TSC22D1: variants seen among roughly 807,000 people sequenced by gnomAD.
The protein encoded by TSC22D1 is TSC22 domain family protein 1.
Under a neutral mutation model 74.2 loss-of-function variants are expected in TSC22D1, and 9 were observed. That is an observed-to-expected ratio of 0.12 (90% CI 0.07 to 0.21). TSC22D1 has a LOEUF of 0.21. Among genes scored for constraint, TSC22D1 ranks in the 10% least tolerant of loss-of-function variants. The pLI is 1.00. For missense variants in TSC22D1, 1,427 were observed against 1,304.7 expected (o/e 1.09, Z -1.44); for synonymous variants, 586 against 492.5 (o/e 1.19, Z -2.51).
intron 1 of TSC22D1, among the ~76,000 whole-genome samples, chr13:44,504,151 A>C (rs879352939): frequency 1.2e-4 from 19 of 152,010 alleles, no homozygotes; most frequent in Non-Finnish European, 2.4e-4. Context: ...AAAAAAAAAA[A>C]AACTACTTGA....
intron 1 of TSC22D1, among the ~76,000 whole-genome samples, chr13:44,544,800 T>G (rs1331354620): frequency 1.3e-5 from 2 of 152,154 alleles, no homozygotes; most frequent in Admixed American, 1.3e-4. Context: ...CCACTAGATA[T>G]AAATATCAAG....
chr13:44,558,010 A>T (rs994743571), intron 1 of TSC22D1, among the ~76,000 whole-genome samples: 6 of 152,244 alleles, frequency 3.9e-5, no homozygotes, highest in Non-Finnish European at 5.9e-5. Context: ...AGAAAATAAT[A>T]ATAAAGATTG....
intron 1 of TSC22D1, among the ~76,000 whole-genome samples, chr13:44,450,776 G>A (rs1876062580): frequency 6.6e-6 from 1 of 152,192 alleles, no homozygotes; most frequent in South Asian, 2.1e-4. Flanking sequence ...TTGGAACTCA[G>A]GTGGGGTTGG....
chr13:44,562,321 A>T (rs555208214), intron 1 of TSC22D1, among the ~76,000 whole-genome samples: 1 of 152,334 alleles, frequency 6.6e-6, no homozygotes, highest in South Asian at 2.1e-4. Flanking sequence ...GACTACAGGC[A>T]TGAGCCACCA....
At chr13:44,489,837 C>T (rs1878619113) in intron 1 of TSC22D1, among the ~76,000 whole-genome samples, 1 of 151,970 alleles carries the variant, frequency 6.6e-6, no homozygotes, top group South Asian at 2.1e-4. Context: ...CAATGAGGTA[C>T]CACTACACAC....
At chr13:44,493,473 C>CGTGA (rs1878817729) in intron 1 of TSC22D1, among the ~76,000 whole-genome samples, 1 of 152,162 alleles carries the variant, frequency 6.6e-6, no homozygotes, top group South Asian at 2.1e-4. Flanking sequence ...AACAAACCAC[C>CGTGA]GTCACCTGAA....
intron 1 of TSC22D1, among the ~76,000 whole-genome samples, chr13:44,532,909 G>C (rs1294308848): frequency 1.3e-5 from 2 of 152,104 alleles, no homozygotes; most frequent in Non-Finnish European, 2.9e-5. Context: ...TGTCACATTT[G>C]AAAGGGATCA....
chr13:44,441,423 C>T (rs1483077187), intron 1 of TSC22D1, among the ~76,000 whole-genome samples: 2 of 152,166 alleles, frequency 1.3e-5, no homozygotes, highest in Non-Finnish European at 2.9e-5. Context: ...ATAAAATATA[C>T]ATGACCCATA....
At chr13:44,484,316 A>G (rs1362967653) in intron 1 of TSC22D1, among the ~76,000 whole-genome samples, 1 of 152,204 alleles carries the variant, frequency 6.6e-6, no homozygotes, top group African/African-American at 2.4e-5. Context: ...CAAGATTTCC[A>G]TTTCTTACTG....
chr13:44,520,323 TCTA>T (rs1324362295), intron 1 of TSC22D1, among the ~76,000 whole-genome samples: 1 of 152,168 alleles, frequency 6.6e-6, no homozygotes, highest in Non-Finnish European at 1.5e-5. Context: ...GAGAATGTAG[TCTA>T]CTGTTTCAAA....
chr13:44,456,162 A>G (rs1255502604), intron 1 of TSC22D1, among the ~76,000 whole-genome samples: 4 of 152,208 alleles, frequency 2.6e-5, no homozygotes, highest in Admixed American at 6.5e-5. Flanking sequence ...TCAGCTCATA[A>G]AGGTAGTGCA....
chr13:44,502,680 G>C (rs1319515040), intron 1 of TSC22D1, among the ~76,000 whole-genome samples: 1 of 151,904 alleles, frequency 6.6e-6, no homozygotes, highest in Non-Finnish European at 1.5e-5. Flanking sequence ...TGAGGAAACT[G>C]TTGACAGATG....
At chr13:44,516,632 G>C (rs1879999516) in intron 1 of TSC22D1, among the ~76,000 whole-genome samples, 1 of 152,124 alleles carries the variant, frequency 6.6e-6, no homozygotes, top group African/African-American at 2.4e-5. Flanking sequence ...ATACTCACTT[G>C]ATCTACCTTT....
intron 1 of TSC22D1, among the ~76,000 whole-genome samples, chr13:44,491,281 C>T (rs1057384108): frequency 1.3e-5 from 2 of 152,124 alleles, no homozygotes; most frequent in Admixed American, 1.3e-4. Context: ...AGGCCGGGCG[C>T]AGTGGCTCAC....
chr13:44,435,912 C>G, intron 2 of TSC22D1, 132 bp downstream of exon 2: 1 of 990,736 alleles, frequency 1.0e-6, no homozygotes, highest in South Asian at 1.4e-5. Flanking sequence ...CGAATGGAGA[C>G]AGCGCCGGCA....
intron 1 of TSC22D1, among the ~76,000 whole-genome samples, chr13:44,527,033 T>C (rs1339143966): frequency 6.6e-6 from 1 of 152,052 alleles, no homozygotes; most frequent in African/African-American, 2.4e-5. Flanking sequence ...GCAAGAAGAT[T>C]GAAGTTAAAT....
At chr13:44,569,312 T>C (rs1883590623) in intron 1 of TSC22D1, among the ~76,000 whole-genome samples, 1 of 152,218 alleles carries the variant, frequency 6.6e-6, no homozygotes, top group South Asian at 2.1e-4. Flanking sequence ...ACGAGCAGGC[T>C]ATATTACATA....
In TSC22D1 at chr13:44,437,891, A is replaced by G. The variant is rs149160236; in HGVS notation, c.2913-1796T>C. ...GATATAATGGTGGTTAAAAATAGTTAAGCAGCCAATAGATGCTGTAGGCTC... is the reference window on the plus strand; with the variant it reads ...GATATAATGGTGGTTAAAAATAGTTGAGCAGCCAATAGATGCTGTAGGCTC... On this transcript the variant is annotated intron_variant, in intron 1 of 2. Transcript: ENST00000458659. 4.5e-3 allele frequency among the ~76,000 whole-genome samples: 693 copies of G among 152,326 alleles called. 5 individuals are homozygous for G. The highest frequency in any genetic ancestry group is 7.0e-3 in the Non-Finnish European group (478 of 68,030).
intron 1 of TSC22D1, among the ~76,000 whole-genome samples, chr13:44,511,276 C>A (rs1879702109): frequency 6.6e-6 from 1 of 151,892 alleles, no homozygotes; most frequent in African/African-American, 2.4e-5. Context: ...AGAGTGAGAA[C>A]CTGTTTCAAA....
Sources: gnomAD v4.1 joint callset for allele counts (sites outside exome capture counted in the v4.1 genomes callset) on GRCh38, gnomAD v4.1.1 for gene constraint, MANE v1.5 for transcripts, NCBI Gene and HGNC (gene_info 2026-07-23, HGNC 2026-07-21) for gene names.